The following EPHX2 variants were observed in gnomAD, a reference collection of about 807,000 sequenced individuals.
The protein encoded by EPHX2 is bifunctional epoxide hydrolase 2.
Under a neutral mutation model 78.7 loss-of-function variants are expected in EPHX2, and 74 were observed. That is an observed-to-expected ratio of 0.94 (90% CI 0.78 to 1.14). EPHX2 has a LOEUF of 1.14. EPHX2 is among the 50% of genes most tolerant of loss of function. The pLI, the probability that EPHX2 is intolerant of heterozygous loss-of-function variation, is 0.00. For missense variants in EPHX2, 715 were observed against 702.5 expected, an observed-to-expected ratio of 1.02 and a Z score of -0.20; for synonymous variants, 251 against 255.2, an observed-to-expected ratio of 0.98 and a Z score of 0.16.
chr8:27,493,408 G>C lies in EPHX2; in HGVS notation c.101+2099G>C, dbSNP rs556560247. ...GGAGGTCTAGACCTTAGCGGTTTTG[G>C]AGAGTCACTGTTGCCAAATAGTCTA... On this transcript the variant is annotated intron_variant, in intron 1 of 18. Coordinates refer to ENST00000521400, the MANE Select transcript of EPHX2 (RefSeq NM_001979.6). 2.0e-5 allele frequency among the ~76,000 whole-genome samples: 3 copies of C among 152,334 alleles called. No homozygotes were observed. The East Asian group carries it at 5.8e-4, about 29-fold the overall frequency.
chr8:27,543,972 C>A, intron 17 of EPHX2, 143 bp downstream of exon 17: 1 of 985,194 alleles, frequency 1.0e-6, no homozygotes, highest in Non-Finnish European at 1.5e-6. Context: ...CATCACTGTC[C>A]CCCCATTGCA....
intron 12 of EPHX2, among the ~76,000 whole-genome samples, chr8:27,530,175 G>A (rs1309719568): frequency 6.6e-6 from 1 of 151,914 alleles, no homozygotes; most frequent in Non-Finnish European, 1.5e-5. Context: ...TGTGAGAGCT[G>A]CCATGCCAGC....
intron 4 of EPHX2, 85 bp from the exon 5 acceptor site, chr8:27,506,785 GTT>G: frequency 1.3e-6 from 2 of 1,530,138 alleles, no homozygotes; most frequent in Non-Finnish European, 1.8e-6. Context: ...AAGAAAAAGA[GTT>G]TTTAATCTCC....
intron 5 of EPHX2, among the ~76,000 whole-genome samples, chr8:27,508,634 C>A (rs1814109302): frequency 6.6e-6 from 1 of 152,306 alleles, no homozygotes; most frequent in Middle Eastern, 3.4e-3. Flanking sequence ...AAAACTATAT[C>A]TCACTTCTCT....
At chr8:27,514,988 T>C (rs1260308867) in intron 6 of EPHX2, among the ~76,000 whole-genome samples, 2 of 152,146 alleles carry the variant, frequency 1.3e-5, no homozygotes, top group African/African-American at 2.4e-5. Flanking sequence ...GAAACACTTA[T>C]AGTATTGAGA....
At chr8:27,534,650 A>G (rs1454616478) in intron 12 of EPHX2, among the ~76,000 whole-genome samples, 1 of 144,754 alleles carries the variant, frequency 6.9e-6, no homozygotes, top group Non-Finnish European at 1.5e-5. Flanking sequence ...TCTAAAAAAA[A>G]TAAAAATAAA....
chr8:27,537,445 A>G (rs1409937648), intron 13 of EPHX2, among the ~76,000 whole-genome samples: 1 of 152,154 alleles, frequency 6.6e-6, no homozygotes, highest in Non-Finnish European at 1.5e-5. Flanking sequence ...AGAATCATTT[A>G]TCTGAGTATA....
intron 10 of EPHX2, 95 bp downstream of exon 10, chr8:27,521,004 C>T: frequency 6.6e-7 from 1 of 1,504,856 alleles, no homozygotes; most frequent in Non-Finnish European, 9.2e-7. Context: ...GGTGCACGGG[C>T]AGGGAGGGCC....
rs1814426505 is a variant in EPHX2 at position 27,515,785 on chromosome 8, C to A, written c.803C>A (p.Pro268His). 1.2e-6 allele frequency: 2 copies of A among 1,614,008 alleles called. No individual in the cohort carries two copies. The highest frequency in any genetic ancestry group is 4.5e-5 in the East Asian group (2 of 44,878). The change falls in exon 7 of 19, where the codon CCC becomes CAC. Residue 268 changes from proline (P) to histidine (H), a missense_variant. Pro to His is a moderately conservative substitution (Grantham distance 77). Transcript: ENST00000521400. Reference protein sequence around the residue: ...GPAVCLCHGFPESWYSWRYQI... With the variant: ...GPAVCLCHGFHESWYSWRYQI... Reference sequence around the variant, plus strand: ...GCTGTGTGCCTCTGCCATGGATTTCCCGAGAGTTGGTATTCTTGGAGGTAC... The same window carrying A: ...GCTGTGTGCCTCTGCCATGGATTTCACGAGAGTTGGTATTCTTGGAGGTAC...
rs34748947 is a variant in EPHX2, at chr8:27,508,946, C to CTTTT, written c.660+1976_660+1979dup. On this transcript the variant is annotated intron_variant, in intron 5 of 18. Transcript: ENST00000521400. ...CTGGCCCCTGGCAACCCCCATCCTGCTTTTTTTTTTTTTTTTTTTTTTTTT... is the reference window on the plus strand; with the variant it reads ...CTGGCCCCTGGCAACCCCCATCCTGCTTTTTTTTTTTTTTTTTTTTTTTTTTTTT... Among the ~76,000 whole-genome samples the CTTTT allele has an allele frequency of 1.5e-3, 95 of 64,384 alleles. 15 individuals carry two copies. Among genetic ancestry groups the CTTTT allele is most frequent in the African/African-American group, 6.4e-3 (83 of 12,974 alleles). 42.2% of individuals were successfully genotyped at this position (64,384 alleles called of 152,430 possible). A position where few individuals can be genotyped will look rare whatever the true frequency, so the allele number is the denominator to read the frequency against.
chr8:27,534,582 G>C (rs1815151163), intron 12 of EPHX2, among the ~76,000 whole-genome samples: 1 of 152,066 alleles, frequency 6.6e-6, no homozygotes, highest in Admixed American at 6.6e-5. Flanking sequence ...AACCCATCTT[G>C]GCAGTGAGCT....
At chr8:27,500,823 C>G in intron 1 of EPHX2, 103 bp from the exon 2 acceptor site, 2 of 1,048,590 alleles carry the variant, frequency 1.9e-6, no homozygotes, top group Non-Finnish European at 2.8e-6. Context: ...TGGCAGTATC[C>G]CTTTCTAGTG....
intron 12 of EPHX2, among the ~76,000 whole-genome samples, chr8:27,532,941 C>T (rs1249782437): frequency 2.6e-5 from 4 of 151,874 alleles, no homozygotes; most frequent in Admixed American, 6.6e-5. Flanking sequence ...AGCCAGACCC[C>T]GTCTCTACAA....
At chr8:27,507,324 A>G (rs1158970460) in intron 5 of EPHX2, among the ~76,000 whole-genome samples, 2 of 152,204 alleles carry the variant, frequency 1.3e-5, no homozygotes, top group South Asian at 2.1e-4. Context: ...CCTAAGGATC[A>G]GGGCCCCTAC....
chr8:27,491,415 G>C (rs1813374904), intron 1 of EPHX2, 106 bp downstream of exon 1: 7 of 755,318 alleles, frequency 9.3e-6, no homozygotes, highest in Non-Finnish European at 1.2e-5. Flanking sequence ...GGAGCCCTGC[G>C]AATCATGCGA....
downstream of EPHX2, among the ~76,000 whole-genome samples, chr8:27,547,207 C>T (rs1012527643): frequency 1.3e-5 from 2 of 152,132 alleles, no homozygotes; most frequent in African/African-American, 4.8e-5. Flanking sequence ...GGACAGTGGA[C>T]TGGAAGAGGT....
At chr8:27,501,906 T>TA (rs138991857) in intron 2 of EPHX2, among the ~76,000 whole-genome samples, 44 of 148,728 alleles carry the variant, frequency 3.0e-4, no homozygotes, top group South Asian at 1.1e-3. Context: ...TGACTTGTCT[T>TA]AAAAAAAAAA....
chr8:27,529,577 C>CTG (rs953850441), intron 12 of EPHX2, among the ~76,000 whole-genome samples: 1 of 152,006 alleles, frequency 6.6e-6, no homozygotes, highest in African/African-American at 2.4e-5. Context: ...TGGCAGGCAC[C>CTG]TGTGTGTGTG....
intron 7 of EPHX2, 130 bp from the exon 8 acceptor site, chr8:27,516,190 G>A: frequency 1.1e-6 from 1 of 939,810 alleles, no homozygotes; most frequent in South Asian, 1.5e-5. Flanking sequence ...CCATGGCAAA[G>A]TTACCGGGTA....
Sources: allele counts gnomAD v4.1 joint callset (sites outside exome capture counted in the v4.1 genomes callset), GRCh38; gene constraint gnomAD v4.1.1; transcripts MANE v1.5; gene names NCBI Gene and HGNC (gene_info 2026-07-23, HGNC 2026-07-21).